KICS2: variants seen among roughly 807,000 people sequenced by gnomAD.
The protein encoded by KICS2 is KICSTOR subunit 2, also known as KICSTOR complex protein C12orf66.
In KICS2, 13 loss-of-function variants were observed where a neutral mutation model predicts 31.4. That is an observed-to-expected ratio of 0.41 (90% confidence interval 0.27 to 0.66). The LOEUF is 0.66. Ranked by LOEUF, KICS2 falls within the 30% of genes least tolerant of loss-of-function variation. The probability of loss-of-function intolerance (pLI) is 0.28; values close to 1 mark genes in which losing one functional copy is unlikely to be tolerated. For missense variants in KICS2, 455 were observed against 545.4 expected, an observed-to-expected ratio of 0.83 and a Z score of 1.65; for synonymous variants, 209 against 214.8, an observed-to-expected ratio of 0.97 and a Z score of 0.24.
At position 64,193,148 on chromosome 12, in the gene KICS2, A is replaced by G; in HGVS notation, c.*694T>C. 5 of 985,476 alleles carry G rather than the reference A, an allele frequency of 5.1e-6. No individual in the cohort carries two copies. The highest frequency in any genetic ancestry group is 4.7e-5 in the South Asian group (1 of 21,286). The allele number at this position is 985,476 out of a possible 1,614,324, so 61.0% of individuals were successfully genotyped here. ...TTACAACAGAGTGAAACATTCAAAC[A>G]TTAAAGAAGTCAAAACAAATGCAGT... On this transcript the variant is annotated 3_prime_UTR_variant, in exon 3 of 3. Coordinates refer to ENST00000398055, the MANE Select transcript of KICS2 (RefSeq NM_152440.5).
Position 64,194,220 on chromosome 12 carries a change from T to A in KICS2, c.960A>T (p.Arg320Ser). 3 of 1,614,162 alleles carry A rather than the reference T, an allele frequency of 1.9e-6. No individual in the cohort carries two copies. Among genetic ancestry groups the A allele is most frequent in the Non-Finnish European group, 2.5e-6 (3 of 1,180,036 alleles). Residue 320 changes from arginine (R) to serine (S), a missense_variant, in exon 3 of 3, where the codon AGA becomes AGT. By Grantham distance (110) the Arg-to-Ser change is moderately radical. Transcript: ENST00000398055. ...AANVSLIFDN[R>S]GSESFQGHGY... is the part of the protein sequence containing the mutation. Reference sequence around the variant, plus strand: ...CATGACCCTGAAAACTCTCAGAACCTCTGTTGTCAAAAATTAAGGACACAT... The same window carrying A: ...CATGACCCTGAAAACTCTCAGAACCACTGTTGTCAAAAATTAAGGACACAT...
chr12:64,201,852 A>G (rs1230378629), intron 2 of KICS2, among the ~76,000 whole-genome samples: 1 of 151,754 alleles, frequency 6.6e-6, no homozygotes, highest in Non-Finnish European at 1.5e-5. Context: ...TCTCAAACAA[A>G]CAAACAAACA....
chr12:64,202,750 A>G (rs1280387015), intron 2 of KICS2, among the ~76,000 whole-genome samples: 1 of 151,776 alleles, frequency 6.6e-6, no homozygotes, highest in African/African-American at 2.4e-5. Context: ...TATATCCCAT[A>G]GATTAGTACC....
chr12:64,214,704 C>T (rs2037612341), intron 2 of KICS2, among the ~76,000 whole-genome samples: 1 of 151,712 alleles, frequency 6.6e-6, no homozygotes, highest in African/African-American at 2.4e-5. Flanking sequence ...ATGATGAAAC[C>T]CCATCTCTAC....
rs1190059883 is a variant in KICS2, at chr12:64,192,087, A to G, written c.*1755T>C. 1 of 148,118 alleles carries G rather than the reference A, an allele frequency of 6.8e-6. No individual in the cohort carries two copies. The highest frequency in any genetic ancestry group is 1.5e-5 in the Non-Finnish European group (1 of 67,260). 9.2% of individuals were successfully genotyped at this position (148,118 alleles called of 1,614,324 possible). ...AAAAGGAAAAACACATGTTCTTCCCAGAAAATAAAAAATAGGCCAGTAGAT... is the reference window on the plus strand; with the variant it reads ...AAAAGGAAAAACACATGTTCTTCCCGGAAAATAAAAAATAGGCCAGTAGAT... On this transcript the variant is annotated 3_prime_UTR_variant, in exon 3 of 3. Transcript: ENST00000398055.
intron 1 of KICS2, among the ~76,000 whole-genome samples, chr12:64,216,735 T>C (rs1300365833): frequency 1.3e-5 from 2 of 152,180 alleles, no homozygotes; most frequent in African/African-American, 4.8e-5. Flanking sequence ...AACACCTTTA[T>C]ATAGCCAAAA....
At chr12:64,197,518 G>C (rs886842907) in intron 2 of KICS2, among the ~76,000 whole-genome samples, 49 of 151,158 alleles carry the variant, frequency 3.2e-4, no homozygotes, top group African/African-American at 1.1e-3. Context: ...AAAGACCATC[G>C]AGACTAGGAA....
intron 1 of KICS2, among the ~76,000 whole-genome samples, chr12:64,219,641 A>AG (rs1565721488): frequency 6.6e-6 from 1 of 152,214 alleles, no homozygotes; most frequent in African/African-American, 2.4e-5. Context: ...CATGAAAGAA[A>AG]GAAGGAAGGA....
intron 2 of KICS2, among the ~76,000 whole-genome samples, chr12:64,209,841 GT>G (rs2136701527): frequency 6.6e-6 from 1 of 152,240 alleles, no homozygotes; most frequent in East Asian, 1.9e-4. Flanking sequence ...CATAGTACTA[GT>G]CACAAAATTT....
chr12:64,218,559 AATTGAGC>A (rs1409578057), intron 1 of KICS2, among the ~76,000 whole-genome samples: 1 of 152,222 alleles, frequency 6.6e-6, no homozygotes, highest in Non-Finnish European at 1.5e-5. Flanking sequence ...AATAATACAT[AATTGAGC>A]TTCTGAAACT....
intron 2 of KICS2, among the ~76,000 whole-genome samples, chr12:64,201,938 C>T (rs1207272036): frequency 1.3e-5 from 2 of 152,172 alleles, no homozygotes; most frequent in Non-Finnish European, 2.9e-5. Flanking sequence ...ACCCCAAATC[C>T]GTAAAAAGGA....
At position 64,206,166 on chromosome 12, in the gene KICS2, T is replaced by C. The variant is rs149977337; in HGVS notation, c.521+9512A>G. Reference sequence around the variant, plus strand: ...AATGCCTAGCCTCAAGCAATCCTCTTGCTTTAGCCTCCCAAAGTTCTGGAA... The same window carrying C: ...AATGCCTAGCCTCAAGCAATCCTCTCGCTTTAGCCTCCCAAAGTTCTGGAA... On this transcript the variant is annotated intron_variant, in intron 2 of 2. Transcript: ENST00000398055. Among the ~76,000 whole-genome samples the C allele has an allele frequency of 5.3e-3, 806 of 152,298 alleles. 13 individuals are homozygous for C. Among genetic ancestry groups the C allele is most frequent in the African/African-American group, 0.019 (772 of 41,570 alleles).
At chr12:64,211,011 T>C (rs1255928610) in intron 2 of KICS2, among the ~76,000 whole-genome samples, 1 of 152,034 alleles carries the variant, frequency 6.6e-6, no homozygotes. Flanking sequence ...CACACTAAAT[T>C]TTACCCTCTT....
At chr12:64,187,347 A>T (rs2136681705), downstream of KICS2, 1 of 448,830 alleles carries the variant, frequency 2.2e-6, no homozygotes, top group Non-Finnish European at 3.9e-6. Flanking sequence ...AGATTCTGAC[A>T]TTAGGAGGGA....
At chr12:64,204,510 G>A (rs1332697292) in intron 2 of KICS2, among the ~76,000 whole-genome samples, 2 of 152,154 alleles carry the variant, frequency 1.3e-5, no homozygotes, top group African/African-American at 4.8e-5. Flanking sequence ...TTCAGGCTGG[G>A]AGCAGTTGCT....
chr12:64,207,998 T>C (rs1470415026), intron 2 of KICS2, among the ~76,000 whole-genome samples: 7 of 152,232 alleles, frequency 4.6e-5, no homozygotes, highest in Non-Finnish European at 2.9e-5. Context: ...ATTGGACTTC[T>C]GCTTAAAATC....
intron 2 of KICS2, among the ~76,000 whole-genome samples, chr12:64,207,532 G>A (rs1288215271): frequency 2.0e-5 from 3 of 151,886 alleles, no homozygotes; most frequent in South Asian, 2.1e-4. Flanking sequence ...AACTTGCTTC[G>A]GCCAAAGAGA....
intron 1 of KICS2, among the ~76,000 whole-genome samples, chr12:64,217,343 T>A (rs1362722925): frequency 6.6e-6 from 1 of 152,290 alleles, no homozygotes. Flanking sequence ...CTTTGAAAAG[T>A]GTTTTTCCAA....
chr12:64,195,240 T>C (rs908083129), intron 2 of KICS2, among the ~76,000 whole-genome samples: 1 of 152,206 alleles, frequency 6.6e-6, no homozygotes, highest in African/African-American at 2.4e-5. Context: ...TCTTTCTGAG[T>C]GTATTTTATT....
Sources: allele counts gnomAD v4.1 joint callset (sites outside exome capture counted in the v4.1 genomes callset), GRCh38; gene constraint gnomAD v4.1.1; transcripts MANE v1.5; gene names NCBI Gene and HGNC (gene_info 2026-07-23, HGNC 2026-07-21).